The following MALRD1 variants were observed in gnomAD, a reference collection of about 807,000 sequenced individuals.
MALRD1 encodes the protein MAM and LDL receptor class A domain containing 1.
MALRD1 carries 247 observed loss-of-function variants against 242.1 expected under a neutral mutation model. The ratio of observed to expected loss-of-function variants is 1.02; its 90% confidence interval spans 0.92 to 1.13. The LOEUF is 1.13. Among genes scored for constraint, MALRD1 ranks in the 50% most tolerant of loss-of-function variants. MALRD1 has a pLI of 0.00. For missense variants in MALRD1, 2,989 were observed against 2,533.1 expected, an observed-to-expected ratio of 1.18 and a Z score of -3.86; for synonymous variants, 995 against 866.6, an observed-to-expected ratio of 1.15 and a Z score of -2.60.
At chr10:19,454,101 G>T (rs1835486440) in intron 29 of MALRD1, among the ~76,000 whole-genome samples, 1 of 151,998 alleles carries the variant, frequency 6.6e-6, no homozygotes, top group Non-Finnish European at 1.5e-5. Flanking sequence ...GGCAATTGTA[G>T]TGGCATAATA....
intron 32 of MALRD1, among the ~76,000 whole-genome samples, chr10:19,566,689 A>G (rs1836272153): frequency 6.6e-6 from 1 of 151,130 alleles, no homozygotes; most frequent in Non-Finnish European, 1.5e-5. Context: ...TATTTTATAT[A>G]TATATATCTG....
At chr10:19,630,662 A>T (rs971782977) in intron 36 of MALRD1, among the ~76,000 whole-genome samples, 2 of 152,158 alleles carry the variant, frequency 1.3e-5, no homozygotes, top group Non-Finnish European at 2.9e-5. Context: ...AATGTAAGTT[A>T]TGATGTATTG....
rs1833500107 is a variant in MALRD1 at position 19,415,945 on chromosome 10, TAATG to T, written c.4845+26339_4845+26342del. ...ATTTGGTAAAACTCAACCTTTTACT[TAATG>T]AAGTGGGCTTTTAAAGAAAAAAGTA... On this transcript the variant is annotated intron_variant, in intron 28 of 39. Coordinates refer to ENST00000454679, the MANE Select transcript of MALRD1 (RefSeq NM_001142308.3). Among the ~76,000 whole-genome samples, 4 of 152,338 alleles carry T rather than the reference TAATG, an allele frequency of 2.6e-5. No individual in the cohort carries two copies. The South Asian group carries it at 8.3e-4, about 32-fold the overall frequency.
chr10:19,088,723 C>A (rs1270392122), intron 4 of MALRD1, among the ~76,000 whole-genome samples: 1 of 89,858 alleles, frequency 1.1e-5, no homozygotes, highest in Non-Finnish European at 2.2e-5. Flanking sequence ...TCTCCCAATG[C>A]TATCCCTCCC....
At chr10:19,218,167 A>G (rs1479723917) in intron 18 of MALRD1, among the ~76,000 whole-genome samples, 3 of 152,066 alleles carry the variant, frequency 2.0e-5, no homozygotes, top group Middle Eastern at 3.2e-3. Flanking sequence ...TTTTTATTTC[A>G]GTTTCAATAA....
chr10:19,226,116 G>A (rs1837789455), intron 18 of MALRD1, among the ~76,000 whole-genome samples: 1 of 152,064 alleles, frequency 6.6e-6, no homozygotes, highest in Non-Finnish European at 1.5e-5. Context: ...TACAATATTA[G>A]CAAATTGAGT....
chr10:19,477,665 A>T (rs1431329050), intron 29 of MALRD1, among the ~76,000 whole-genome samples: 1 of 152,186 alleles, frequency 6.6e-6, no homozygotes, highest in Non-Finnish European at 1.5e-5. Flanking sequence ...TTTCTTGCAG[A>T]GAGAGAGGGG....
chr10:19,539,719 C>T (rs1834850646), intron 32 of MALRD1, among the ~76,000 whole-genome samples: 1 of 151,818 alleles, frequency 6.6e-6, no homozygotes, highest in South Asian at 2.1e-4. Context: ...CAGGGTCTCA[C>T]TCTGTCACCC....
Position 19,375,464 on chromosome 10 carries a change from T to C in MALRD1, c.4442-12064T>C, listed in dbSNP as rs1002189804. ...AATTATAGAACAATATATTGGGCTT[T>C]AAGGTAATAGATCTTAATCTTGTTG... On this transcript the variant is annotated intron_variant, in intron 26 of 39. Transcript: ENST00000454679. 5.9e-5 allele frequency among the ~76,000 whole-genome samples: 9 copies of C among 152,120 alleles called. No individual in the cohort carries two copies. The South Asian group carries it at 1.7e-3, about 28-fold the overall frequency.
At chr10:19,225,031 G>T (rs764195820) in intron 18 of MALRD1, among the ~76,000 whole-genome samples, 18 of 152,084 alleles carry the variant, frequency 1.2e-4, no homozygotes, top group Non-Finnish European at 1.8e-4. Flanking sequence ...GTAAGGAAGG[G>T]GTCCAGTTTC....
chr10:19,202,725 C>T (rs562236486), intron 14 of MALRD1, among the ~76,000 whole-genome samples: 8 of 152,102 alleles, frequency 5.3e-5, no homozygotes, highest in South Asian at 2.1e-4. Flanking sequence ...CTTCATTTTG[C>T]GTTGGTCTGT....
chr10:19,066,695 C>T, intron 1 of MALRD1, 24 bp from the exon 2 acceptor site: 4 of 1,233,262 alleles, frequency 3.2e-6, no homozygotes, highest in Non-Finnish European at 4.0e-6. Flanking sequence ...GTTGTGAAAA[C>T]CAACTTTTCT....
At chr10:19,629,737 A>G (rs1033768378) in intron 36 of MALRD1, among the ~76,000 whole-genome samples, 2 of 152,098 alleles carry the variant, frequency 1.3e-5, no homozygotes, top group Non-Finnish European at 2.9e-5. Context: ...AAGAATGCTG[A>G]CAAAAAAGTT....
At chr10:19,120,408 C>T (rs1837020552) in intron 5 of MALRD1, among the ~76,000 whole-genome samples, 1 of 152,056 alleles carries the variant, frequency 6.6e-6, no homozygotes, top group East Asian at 1.9e-4. Flanking sequence ...TTGATATATG[C>T]AGTTTCAGGG....
chr10:19,148,784 A>ATATAT (rs1309198981), intron 11 of MALRD1, among the ~76,000 whole-genome samples: 223 of 63,906 alleles, frequency 3.5e-3, no homozygotes, highest in African/African-American at 5.8e-3. Flanking sequence ...AAAAAAAAAA[A>ATATAT]AAAAATATAT....
At chr10:19,108,863 G>T (rs557444399) in intron 5 of MALRD1, among the ~76,000 whole-genome samples, 1 of 151,954 alleles carries the variant, frequency 6.6e-6, no homozygotes, top group Non-Finnish European at 1.5e-5. Flanking sequence ...GTGTTTCTTT[G>T]GTCGTATCAT....
intron 31 of MALRD1, among the ~76,000 whole-genome samples, chr10:19,505,710 C>G (rs1417995262): frequency 1.3e-5 from 2 of 152,226 alleles, no homozygotes; most frequent in Non-Finnish European, 2.9e-5. Context: ...GGCCCTGCTT[C>G]TCACATTTCA....
chr10:19,475,720 A>C (rs1487301019), intron 29 of MALRD1, among the ~76,000 whole-genome samples: 2 of 152,214 alleles, frequency 1.3e-5, no homozygotes, highest in Admixed American at 6.5e-5. Context: ...TAACTTGTTC[A>C]TTGACCCTGA....
At chr10:19,588,862 T>G (rs535612466) in intron 33 of MALRD1, among the ~76,000 whole-genome samples, 17 of 152,248 alleles carry the variant, frequency 1.1e-4, no homozygotes, top group Admixed American at 9.2e-4. Context: ...AGGCTGATCT[T>G]GAACTGTTGA....
Sources: gnomAD v4.1 joint callset for allele counts (sites outside exome capture counted in the v4.1 genomes callset) on GRCh38, gnomAD v4.1.1 for gene constraint, MANE v1.5 for transcripts, NCBI Gene and HGNC (gene_info 2026-07-23, HGNC 2026-07-21) for gene names.